Variants in NALF1 observed in about 807,000 individuals in gnomAD.
The protein encoded by NALF1 is family with sequence similarity 155 member A.
NALF1 carries 3 observed loss-of-function variants against 48.4 expected under a neutral mutation model. The observed-to-expected ratio is 0.06, with a 90% CI of 0.03 to 0.16. NALF1 has a LOEUF of 0.16. Ranked by LOEUF, NALF1 falls within the 10% of genes least tolerant of loss-of-function variation. The pLI is 1.00. For missense variants in NALF1, 526 were observed against 571.5 expected (o/e 0.92, Z 0.81); for synonymous variants, 262 against 245.7 (o/e 1.07, Z -0.62).
intron 1 of NALF1, among the ~76,000 whole-genome samples, chr13:107,480,272 G>C (rs1374278536): frequency 3.3e-5 from 5 of 152,100 alleles, no homozygotes; most frequent in African/African-American, 1.2e-4. Flanking sequence ...TGTGAAACTT[G>C]GCACAATGAC....
chr13:107,633,498 A>T (rs937021540), intron 1 of NALF1, among the ~76,000 whole-genome samples: 2 of 151,880 alleles, frequency 1.3e-5, no homozygotes, highest in Admixed American at 1.3e-4. Flanking sequence ...TTTGATGCTA[A>T]AATATTAGCC....
chr13:107,606,909 A>G (rs574490273), intron 1 of NALF1, among the ~76,000 whole-genome samples: 1 of 152,340 alleles, frequency 6.6e-6, no homozygotes, highest in African/African-American at 2.4e-5. Flanking sequence ...TCTATTCCAC[A>G]GAAATTTAAC....
intron 1 of NALF1, among the ~76,000 whole-genome samples, chr13:107,585,349 A>C (rs558892015): frequency 6.7e-6 from 1 of 150,296 alleles, no homozygotes; most frequent in Admixed American, 6.7e-5. Flanking sequence ...GGTAAACCCA[A>C]GTGCTTTCTC....
chr13:107,649,284 C>A (rs1224468468), intron 1 of NALF1, among the ~76,000 whole-genome samples: 1 of 152,166 alleles, frequency 6.6e-6, no homozygotes, highest in South Asian at 2.1e-4. Flanking sequence ...GATTCTCATA[C>A]ACAGATTTTT....
intron 1 of NALF1, among the ~76,000 whole-genome samples, chr13:107,386,475 T>C (rs1378552691): frequency 2.0e-5 from 3 of 152,140 alleles, no homozygotes; most frequent in Non-Finnish European, 4.4e-5. Context: ...AACTATTCAT[T>C]CTCTAGAATG....
chr13:107,434,652 C>T (rs1483992770), intron 1 of NALF1, among the ~76,000 whole-genome samples: 4 of 152,294 alleles, frequency 2.6e-5, no homozygotes. Context: ...CGGAAGAAAA[C>T]ATGAAGTTGA....
At chr13:107,685,244 GC>G (rs1881407016) in intron 1 of NALF1, among the ~76,000 whole-genome samples, 1 of 152,136 alleles carries the variant, frequency 6.6e-6, no homozygotes, top group Non-Finnish European at 1.5e-5. Flanking sequence ...AACCCAGGAA[GC>G]CGAGGGTGCA....
At chr13:107,652,986 ACT>A (rs1880485003) in intron 1 of NALF1, among the ~76,000 whole-genome samples, 1 of 152,110 alleles carries the variant, frequency 6.6e-6, no homozygotes, top group South Asian at 2.1e-4. Flanking sequence ...ATTTTTCATA[ACT>A]TCTGCCAAAA....
chr13:107,438,356 G>A (rs2139023664), intron 1 of NALF1, among the ~76,000 whole-genome samples: 1 of 152,298 alleles, frequency 6.6e-6, no homozygotes, highest in Middle Eastern at 3.4e-3. Flanking sequence ...GTTAAGAATT[G>A]CTGGTTTTGT....
intron 1 of NALF1, among the ~76,000 whole-genome samples, chr13:107,798,969 C>T (rs1221426878): frequency 2.0e-5 from 3 of 152,132 alleles, no homozygotes; most frequent in Non-Finnish European, 4.4e-5. Flanking sequence ...TCACAAGTGC[C>T]TTATAATTAG....
chr13:107,272,614 C>T (rs1437672933), intron 1 of NALF1, among the ~76,000 whole-genome samples: 2 of 152,090 alleles, frequency 1.3e-5, no homozygotes, highest in Admixed American at 1.3e-4. Context: ...CATTTCATAA[C>T]TGTAGTGAAG....
chr13:107,551,382 A>T (rs1877288785), intron 1 of NALF1, among the ~76,000 whole-genome samples: 1 of 152,188 alleles, frequency 6.6e-6, no homozygotes, highest in Admixed American at 6.5e-5. Flanking sequence ...GTGAATCCAC[A>T]GTAATTTTAA....
At chr13:107,375,941 CACAT>C (rs895705548) in intron 1 of NALF1, among the ~76,000 whole-genome samples, 5 of 151,914 alleles carry the variant, frequency 3.3e-5, no homozygotes, top group Admixed American at 1.3e-4. Context: ...CACACACACA[CACAT>C]ACACACACAC....
intron 1 of NALF1, among the ~76,000 whole-genome samples, chr13:107,258,087 C>A (rs191049145): frequency 2.8e-4 from 42 of 152,246 alleles, no homozygotes; most frequent in African/African-American, 1.0e-3. Flanking sequence ...ATTTGCTTCA[C>A]ATAGAATATA....
At chr13:107,387,724 C>A (rs1883553939) in intron 1 of NALF1, among the ~76,000 whole-genome samples, 1 of 152,212 alleles carries the variant, frequency 6.6e-6, no homozygotes. Context: ...AAAGTGCTGA[C>A]TGTGCAAGCC....
chr13:107,467,903 C>G (rs1464841599), intron 1 of NALF1, among the ~76,000 whole-genome samples: 1 of 152,024 alleles, frequency 6.6e-6, no homozygotes, highest in African/African-American at 2.4e-5. Context: ...AAAAAATTAG[C>G]CGGGCGTGGT....
At chr13:107,580,619 T>C (rs1437696029) in intron 1 of NALF1, among the ~76,000 whole-genome samples, 2 of 152,220 alleles carry the variant, frequency 1.3e-5, no homozygotes, top group African/African-American at 4.8e-5. Context: ...CTTAAGACTC[T>C]CAGTTTTATG....
chr13:107,189,894 C>T (rs2138783239), intron 2 of NALF1, among the ~76,000 whole-genome samples: 1 of 152,300 alleles, frequency 6.6e-6, no homozygotes, highest in African/African-American at 2.4e-5. Context: ...TCGGATCTCT[C>T]ATAGATGTCT....
chr13:107,387,919 T>C (rs1883557372), intron 1 of NALF1, among the ~76,000 whole-genome samples: 1 of 152,230 alleles, frequency 6.6e-6, no homozygotes, highest in Non-Finnish European at 1.5e-5. Context: ...CCTTTTTGCT[T>C]TTCTTTCTTG....
Sources: gnomAD v4.1 joint callset for allele counts (sites outside exome capture counted in the v4.1 genomes callset) on GRCh38, gnomAD v4.1.1 for gene constraint, MANE v1.5 for transcripts, NCBI Gene and HGNC (gene_info 2026-07-23, HGNC 2026-07-21) for gene names.